Variants in PCDH15 observed in about 807,000 individuals in gnomAD.
PCDH15 encodes the protein protocadherin-15.
A neutral mutation model predicts 178.5 loss-of-function variants in PCDH15; 129 were observed. That is an observed-to-expected ratio of 0.72 (90% CI 0.63 to 0.84). PCDH15 has a LOEUF of 0.84. PCDH15 is among the 40% of genes least tolerant of loss of function. PCDH15 has a pLI of 0.00. For missense variants in PCDH15, 2,230 were observed against 2,099.9 expected, an observed-to-expected ratio of 1.06 and a Z score of -1.21; for synonymous variants, 800 against 732.0, an observed-to-expected ratio of 1.09 and a Z score of -1.50.
At chr10:55,408,942 G>GT (rs374755036) in intron 2 of PCDH15, among the ~76,000 whole-genome samples, 3 of 151,602 alleles carry the variant, frequency 2.0e-5, no homozygotes, top group Non-Finnish European at 3.0e-5. Context: ...CCTTTTAAAA[G>GT]TTTTTTTTCT....
At chr10:55,099,029 G>A (rs1288352516) in intron 2 of PCDH15, among the ~76,000 whole-genome samples, 2 of 151,804 alleles carry the variant, frequency 1.3e-5, no homozygotes, top group African/African-American at 4.8e-5. Context: ...GGCGCAAGAT[G>A]ATGAACCTCA....
intron 2 of PCDH15, among the ~76,000 whole-genome samples, chr10:55,344,361 T>C (rs1024121199): frequency 1.3e-5 from 2 of 152,158 alleles, no homozygotes; most frequent in Non-Finnish European, 2.9e-5. Flanking sequence ...AGCTACTATT[T>C]TATGAATAAA....
At chr10:55,480,538 T>C (rs2132117078) in intron 2 of PCDH15, among the ~76,000 whole-genome samples, 1 of 151,674 alleles carries the variant, frequency 6.6e-6, no homozygotes, top group South Asian at 2.1e-4. Flanking sequence ...TTTTTTATCA[T>C]GAAGTGATGC....
intron 28 of PCDH15, among the ~76,000 whole-genome samples, chr10:53,842,390 C>A (rs1218819048): frequency 6.6e-6 from 1 of 152,096 alleles, no homozygotes; most frequent in East Asian, 1.9e-4. Flanking sequence ...GGATTACAGG[C>A]ATGCACCACC....
intron 17 of PCDH15, among the ~76,000 whole-genome samples, chr10:54,078,408 C>T (rs2094379864): frequency 2.0e-5 from 3 of 151,584 alleles, no homozygotes; most frequent in African/African-American, 4.8e-5. Flanking sequence ...TTTATTATTA[C>T]AATAATAAAT....
chr10:53,967,306 T>G (rs2134379145), intron 21 of PCDH15, among the ~76,000 whole-genome samples: 1 of 152,318 alleles, frequency 6.6e-6, no homozygotes, highest in African/African-American at 2.4e-5. Context: ...TCCCCATCCC[T>G]CTGGAACTGT....
rs1841786731 is a variant in PCDH15, at chr10:55,072,825, T to A, written c.-80+93751A>T. On this transcript the variant is annotated intron_variant, in intron 2 of 5. Coordinates refer to the PCDH15 transcript ENST00000458638. ...GACAATTTTAGACCAATATCCTTGA[T>A]GAACATTGATGCAAAAATCCTCAAT... Among the ~76,000 whole-genome samples the A allele has an allele frequency of 2.6e-5, 4 of 151,778 alleles. No individual in the cohort carries two copies. In the South Asian group the frequency reaches 8.4e-4, roughly 32 times the overall value.
At chr10:55,263,148 C>A (rs961507149) in intron 1 of PCDH15, among the ~76,000 whole-genome samples, 3 of 151,748 alleles carry the variant, frequency 2.0e-5, no homozygotes, top group Non-Finnish European at 4.4e-5. Context: ...TGTTGTAAAA[C>A]CCTGGCACTT....
At chr10:54,697,032 C>G (rs1332614262) in intron 1 of PCDH15, among the ~76,000 whole-genome samples, 1 of 152,026 alleles carries the variant, frequency 6.6e-6, no homozygotes, top group Non-Finnish European at 1.5e-5. Flanking sequence ...TCCTTGGCCT[C>G]CTGTGTAGCT....
chr10:54,038,025 C>A (rs1277410324), intron 18 of PCDH15, among the ~76,000 whole-genome samples: 1 of 151,866 alleles, frequency 6.6e-6, no homozygotes, highest in African/African-American at 2.4e-5. Flanking sequence ...CTCAGAGGAT[C>A]TCCTCATAAA....
chr10:55,098,106 A>G (rs1842487235), intron 2 of PCDH15, among the ~76,000 whole-genome samples: 1 of 152,314 alleles, frequency 6.6e-6, no homozygotes, highest in East Asian at 1.9e-4. Flanking sequence ...TACTGATATC[A>G]TTTCTGCATA....
intron 14 of PCDH15, among the ~76,000 whole-genome samples, chr10:54,138,625 G>A (rs1470174691): frequency 6.6e-6 from 1 of 152,134 alleles, no homozygotes; most frequent in Admixed American, 6.5e-5. Flanking sequence ...GTCAGGCCTG[G>A]TCAGTATGTG....
At chr10:54,184,941 A>G (rs1053583602) in intron 12 of PCDH15, among the ~76,000 whole-genome samples, 193 bp downstream of exon 12, 1 of 151,980 alleles carries the variant, frequency 6.6e-6, no homozygotes. Context: ...TAATATAGCT[A>G]CACAAATTAC....
At chr10:54,998,830 C>T (rs1839715848) in intron 2 of PCDH15, among the ~76,000 whole-genome samples, 1 of 152,050 alleles carries the variant, frequency 6.6e-6, no homozygotes, top group Admixed American at 6.6e-5. Context: ...GCATAAAATG[C>T]ATTGTGGTAT....
chr10:55,600,034 C>A (rs567102293), intron 2 of PCDH15: 2 of 1,144,882 alleles, frequency 1.7e-6, no homozygotes, highest in Non-Finnish European at 2.3e-6. Flanking sequence ...TTCAAACAAG[C>A]CAACAGGCCC....
intron 2 of PCDH15, among the ~76,000 whole-genome samples, chr10:55,382,383 G>A (rs1837556481): frequency 6.6e-6 from 1 of 152,138 alleles, no homozygotes; most frequent in African/African-American, 2.4e-5. Context: ...CAGGGGTCCT[G>A]AAATTAGATG....
intron 8 of PCDH15, among the ~76,000 whole-genome samples, chr10:54,293,848 G>GC (rs1564887439): frequency 6.6e-6 from 1 of 152,144 alleles, no homozygotes; most frequent in East Asian, 1.9e-4. Context: ...GAAGAAATAG[G>GC]CACACTTTTA....
intron 3 of PCDH15, among the ~76,000 whole-genome samples, chr10:54,516,128 C>T (rs527697483): frequency 2.9e-4 from 44 of 152,244 alleles, no homozygotes; most frequent in African/African-American, 8.7e-4. Context: ...TCACCAGCAA[C>T]GGAACAAAGC....
At chr10:55,539,056 C>A (rs1213981282) in intron 2 of PCDH15, among the ~76,000 whole-genome samples, 1 of 148,408 alleles carries the variant, frequency 6.7e-6, no homozygotes, top group African/African-American at 2.5e-5. Context: ...CCCTCCCTCC[C>A]TTCCTCTCTC....
Sources: allele counts gnomAD v4.1 joint callset (sites outside exome capture counted in the v4.1 genomes callset), GRCh38; gene constraint gnomAD v4.1.1; transcripts MANE v1.5; gene names NCBI Gene and HGNC (gene_info 2026-07-23, HGNC 2026-07-21).